Variants in CDKN1C observed in about 807,000 individuals in gnomAD.
CDKN1C encodes cyclin-dependent kinase inhibitor 1C.
In CDKN1C, 7 loss-of-function variants were observed where a neutral mutation model predicts 16.5. The ratio of observed to expected loss-of-function variants is 0.42; its 90% CI spans 0.24 to 0.80. The LOEUF (loss-of-function observed/expected upper bound fraction) is 0.80, where lower values mean the gene tolerates loss of function less well. Ranked by LOEUF, CDKN1C falls within the 30% of genes least tolerant of loss-of-function variation. CDKN1C has a pLI of 0.26. For missense variants in CDKN1C, 429 were observed against 437.3 expected (o/e 0.98, Z 0.17); for synonymous variants, 288 against 214.4 (o/e 1.34, Z -3.00).
chr11:2,884,759 G>A lies in CDKN1C; in HGVS notation c.698C>T (p.Ser233Leu). ...GGCCGCGGGACGTCCCGAAATCCCC[G>A]AGTGCAGCTGGTCAGCGAGAGGCTC... The part of the protein sequence containing the change: ...GQEPLADQLH[S>L]GISGRPAAGT... The change falls in exon 2 of 4, where the codon TCG becomes TTG. Residue 233 changes from serine (S) to leucine (L), a missense_variant. Coordinates refer to ENST00000440480, the MANE Select transcript of CDKN1C (RefSeq NM_001122630.2). The A allele has an allele frequency of 2.0e-6, 3 of 1,510,444 alleles. No individual in the cohort carries two copies. The highest frequency in any genetic ancestry group is 1.8e-6 in the Non-Finnish European group (2 of 1,132,764). 93.6% of individuals were successfully genotyped at this position (1,510,444 alleles called of 1,614,324 possible). A position where few individuals can be genotyped will look rare whatever the true frequency, so the allele number is the denominator to read the frequency against.
Position 2,883,728 on chromosome 11 carries a change from A to ACCTTT in CDKN1C, c.*192_*193insAAAGG. 1 of 1,379,722 alleles carries ACCTTT rather than the reference A, an allele frequency of 7.2e-7. No individual in the cohort carries two copies. Among genetic ancestry groups the ACCTTT allele is most frequent in the Non-Finnish European group, 9.5e-7 (1 of 1,057,920 alleles). 85.5% of individuals were successfully genotyped at this position (1,379,722 alleles called of 1,614,324 possible). A position where few individuals can be genotyped will look rare whatever the true frequency, so the allele number is the denominator to read the frequency against. On this transcript the variant is annotated 3_prime_UTR_variant, in exon 4 of 4. Coordinates refer to ENST00000440480, the MANE Select transcript of CDKN1C (RefSeq NM_001122630.2). ...GGGACCAGTGTACCTTCTCGTGCAG[A>ACCTTT]ATACATTTAGATATAAAAAGACGTT...
In CDKN1C at chr11:2,883,929, G is replaced by T. The variant is rs765932400; in HGVS notation, c.*6-14C>A. ...TTGGGCTCTAAACTGCGAGGAGAGG[G>T]GCGGTCAGCAAAGCCGGCGGGGACC... is the stretch of plus-strand genomic sequence containing the variant. On this transcript the variant is annotated splice_polypyrimidine_tract_variant and intron_variant, in intron 3 of 3. Coordinates refer to ENST00000440480, the MANE Select transcript of CDKN1C (RefSeq NM_001122630.2). 2.3e-5 allele frequency: 37 copies of T among 1,589,010 alleles called. No individual in the cohort carries two copies. The African/African-American group carries it at 4.2e-4, about 18-fold the overall frequency.
In CDKN1C at chr11:2,885,754, G is replaced by T; in HGVS notation, c.-131C>A. 1 of 574,850 alleles carries T rather than the reference G, an allele frequency of 1.7e-6. No individual in the cohort carries two copies. The highest frequency in any genetic ancestry group is 3.1e-6 in the Non-Finnish European group (1 of 322,776). The allele number at this position is 574,850 out of a possible 1,614,324, so 35.6% of individuals were successfully genotyped here. A position where few individuals can be genotyped will look rare whatever the true frequency, so the allele number is the denominator to read the frequency against. On this transcript the variant is annotated 5_prime_UTR_variant, in exon 1 of 4. Coordinates refer to ENST00000440480, the MANE Select transcript of CDKN1C (RefSeq NM_001122630.2). ...CTCAGGCCTGGCCGGCACCCCTCGA[G>T]CACAGCGCACTTGGCCTGTGGAACG...
At chr11:2,883,959 G>C in intron 3 of CDKN1C, 40 bp downstream of exon 3, 1 of 1,566,750 alleles carries the variant, frequency 6.4e-7, no homozygotes, top group Non-Finnish European at 8.6e-7. Flanking sequence ...GGGACCCGGC[G>C]GGTCGGCCCT....
In CDKN1C at chr11:2,884,938, C is replaced by T. The variant is rs1590149957; in HGVS notation, c.519G>A (p.Pro173=). 1.1e-6 allele frequency: 1 copy of T among 950,872 alleles called. No homozygotes were observed. The highest frequency in any genetic ancestry group is 1.3e-6 in the Non-Finnish European group (1 of 764,420). The allele number at this position is 950,872 out of a possible 1,614,324, so 58.9% of individuals were successfully genotyped here. A position where few individuals can be genotyped will look rare whatever the true frequency, so the allele number is the denominator to read the frequency against. ...AVAVLAPAPA[P]APAPAPAPAP... ...CCGGGGCCGGAGCCGGAGCCGGAGCCGGGGCCGGGGCCGGGGCCAGGACCG... is the reference window on the plus strand; with the variant it reads ...CCGGGGCCGGAGCCGGAGCCGGAGCTGGGGCCGGGGCCGGGGCCAGGACCG... Residue 173 remains proline (P), a synonymous_variant, in exon 2 of 4, where the codon CCG becomes CCA. Coordinates refer to ENST00000440480, the MANE Select transcript of CDKN1C (RefSeq NM_001122630.2).
Position 2,883,870 on chromosome 11 carries a change from C to T in CDKN1C, c.*51G>A, listed in dbSNP as rs574318429. The T allele has an allele frequency of 1.3e-6, 2 of 1,559,550 alleles. No homozygotes were observed. Among genetic ancestry groups the T allele is most frequent in the Non-Finnish European group, 1.7e-6 (2 of 1,152,380 alleles). On this transcript the variant is annotated 3_prime_UTR_variant, in exon 4 of 4. Transcript: ENST00000440480. ...CAGCCGAGGCCCAGCGCCCTTCCAA[C>T]GTCCGCTGCCCCGGCAGGTTCCCTC...
In CDKN1C at chr11:2,884,650, CGG is replaced by C; in HGVS notation, c.787+18_787+19del. On this transcript the variant is annotated intron_variant, in intron 2 of 3. Coordinates refer to ENST00000440480, the MANE Select transcript of CDKN1C (RefSeq NM_001122630.2). ...AAAGCGGGGCCGGGCCGGGCCGGGG[CGG>C]GGCCGTGCGGGGCTCACCGGAGATC... The C allele has an allele frequency of 8.0e-7, 1 of 1,255,458 alleles. No homozygotes were observed. Among genetic ancestry groups the C allele is most frequent in the Non-Finnish European group, 1.0e-6 (1 of 993,240 alleles). The allele number at this position is 1,255,458 out of a possible 1,614,324, so 77.8% of individuals were successfully genotyped here.
chr11:2,884,621 G>C, intron 2 of CDKN1C, 49 bp downstream of exon 2: 2 of 1,148,358 alleles, frequency 1.7e-6, no homozygotes, highest in Non-Finnish European at 1.1e-6. Flanking sequence ...CCGGCCGGCC[G>C]GACAAAGCGG....
rs1848949039 is a variant in CDKN1C, at chr11:2,884,996, ACCGGAGCCGGAGCCGGG to A, written c.444_460del (p.Pro149ArgfsTer75). 1.2e-6 allele frequency: 1 copy of A among 815,742 alleles called. No individual in the cohort carries two copies. The highest frequency in any genetic ancestry group is 5.4e-5 in the Admixed American group (1 of 18,462). 50.5% of individuals were successfully genotyped at this position (815,742 alleles called of 1,614,324 possible). A position where few individuals can be genotyped will look rare whatever the true frequency, so the allele number is the denominator to read the frequency against. On this transcript the variant is annotated frameshift_variant, in exon 2 of 4. Transcript: ENST00000440480. LOFTEE classifies it high-confidence loss of function. ...GACCGGAGCCGCGACCGGAGCCGCG[ACCGGAGCCGGAGCCGGG>A]GCCGGGGCTGGAGCCAGGACCGGGA...
chr11:2,884,079 G>A lies in CDKN1C; in HGVS notation c.843C>T (p.Pro281=), dbSNP rs773166985. 6.5e-7 allele frequency: 1 copy of A among 1,548,528 alleles called. No homozygotes were observed. Among genetic ancestry groups the A allele is most frequent in the Non-Finnish European group, 8.7e-7 (1 of 1,147,238 alleles). ...CGGCGCTTGGAGAGGGACACGGCGC[G>A]GGGACATCGCCCGACGACTTCTCAG... ...SAPEKSSGDV[P]APCPSPSAAP... Residue 281 remains proline (P), a synonymous_variant, in exon 3 of 4, where the codon CCC becomes CCT. Coordinates refer to ENST00000440480, the MANE Select transcript of CDKN1C (RefSeq NM_001122630.2).
intron 2 of CDKN1C, chr11:2,884,339 C>G (rs956188423): frequency 2.2e-5 from 5 of 228,002 alleles, no homozygotes; most frequent in East Asian, 1.4e-4. Context: ...CCAAGCCCCC[C>G]GGGGCCGCCG....
Position 2,883,549 on chromosome 11 carries a change from G to T in CDKN1C, c.*372C>A, listed in dbSNP as rs1848851757. ...AGCGGTCCACGCCTGGACATAAATA[G>T]AAAATATAAGTTAGTATAACTTTAA... On this transcript the variant is annotated 3_prime_UTR_variant, in exon 4 of 4. Transcript: ENST00000440480. 8.1e-6 allele frequency: 3 copies of T among 371,476 alleles called. No homozygotes were observed. The highest frequency in any genetic ancestry group is 1.4e-5 in the Non-Finnish European group (3 of 214,606). 23.0% of individuals were successfully genotyped at this position (371,476 alleles called of 1,614,324 possible). A position where few individuals can be genotyped will look rare whatever the true frequency, so the allele number is the denominator to read the frequency against.
rs1489450203 is a variant in CDKN1C, at chr11:2,885,142, G to T, written c.315C>A (p.Ser105Arg). 1 of 1,512,180 alleles carries T rather than the reference G, an allele frequency of 6.6e-7. No individual in the cohort carries two copies. Among genetic ancestry groups the T allele is most frequent in the Non-Finnish European group, 8.8e-7 (1 of 1,137,170 alleles). 93.7% of individuals were successfully genotyped at this position (1,512,180 alleles called of 1,614,324 possible). A position where few individuals can be genotyped will look rare whatever the true frequency, so the allele number is the denominator to read the frequency against. Residue 105 changes from serine (S) to arginine (R), a missense_variant, in exon 2 of 4, where the codon AGC becomes AGA. By Grantham distance (110) the Ser-to-Arg change is moderately radical. Coordinates refer to ENST00000440480, the MANE Select transcript of CDKN1C (RefSeq NM_001122630.2). Reference protein sequence around the residue: ...PRPVAVAVAVSPPLEPAAESL... With the variant: ...PRPVAVAVAVRPPLEPAAESL... ...ACTCAGCGGCCGGCTCGAGGGGCGG[G>T]CTGACAGCCACCGCGACCGCGACGG...
intron 2 of CDKN1C, 182 bp from the exon 3 acceptor site, chr11:2,884,316 C>G (rs1000373562): frequency 2.0e-5 from 5 of 248,882 alleles, no homozygotes; most frequent in Non-Finnish European, 3.3e-5. Flanking sequence ...AAGCATTTCC[C>G]CTTGTCCCGC....
chr11:2,883,947 C>T, intron 3 of CDKN1C, 32 bp from the exon 4 acceptor site: 1 of 1,581,748 alleles, frequency 6.3e-7, no homozygotes, highest in South Asian at 1.1e-5. Context: ...GCAAAGCCGG[C>T]GGGGACCCGG....
Position 2,885,197 on chromosome 11 carries a change from C to T in CDKN1C, c.260G>A (p.Gly87Glu), listed in dbSNP as rs1398439636. 9 of 1,537,744 alleles carry T rather than the reference C, an allele frequency of 5.9e-6. No individual in the cohort carries two copies. Among genetic ancestry groups the T allele is most frequent in the East Asian group, 2.5e-5 (1 of 40,588 alleles). The change falls in exon 2 of 4, where the codon GGG becomes GAG. Residue 87 changes from glycine to glutamate, a missense_variant. Physicochemically the swap from Gly to Glu is moderately conservative, Grantham distance 98. Coordinates refer to ENST00000440480, the MANE Select transcript of CDKN1C (RefSeq NM_001122630.2). ...CGGCGCCAGCAGCAGGCGGCAGCGCCCCACCTGCACCGTCTCGCGGTAGAA... is the reference window on the plus strand; with the variant it reads ...CGGCGCCAGCAGCAGGCGGCAGCGCTCCACCTGCACCGTCTCGCGGTAGAA... ...PAFYRETVQV[G>E]RCRLLLAPRP...
Position 2,884,711 on chromosome 11 carries a change from T to A in CDKN1C, c.746A>T (p.Asn249Ile). ...GGACAGCTTCTTGATCGCCGCGCCG[T>A]TGGCGCTGGCGGCCGCGGTGCCGGC... ...PAAGTAAASA[N>I]GAAIKKLSGP... The change falls in exon 2 of 4, where the codon AAC becomes ATC. Residue 249 changes from asparagine to isoleucine, a missense_variant. By Grantham distance (149) the Asn-to-Ile change is moderately radical. Coordinates refer to ENST00000440480, the MANE Select transcript of CDKN1C (RefSeq NM_001122630.2). The A allele has an allele frequency of 6.7e-7, 1 of 1,496,452 alleles. No individual in the cohort carries two copies. The highest frequency in any genetic ancestry group is 8.9e-7 in the Non-Finnish European group (1 of 1,127,584). The allele number at this position is 1,496,452 out of a possible 1,614,324, so 92.7% of individuals were successfully genotyped here.
chr11:2,885,583 G>A (rs553160322), intron 1 of CDKN1C, 51 bp downstream of exon 1: 17 of 1,458,084 alleles, frequency 1.2e-5, no homozygotes, highest in Middle Eastern at 2.2e-4. Context: ...CCGGGCGCAA[G>A]GGAGACCCCG....
rs1590150723 is a variant in CDKN1C, at chr11:2,885,128, G to C, written c.329C>G (p.Pro110Arg). The change falls in exon 2 of 4, where the codon CCG becomes CGG. Residue 110 changes from proline to arginine, a missense_variant. Transcript: ENST00000440480. ...GAGGCCGTCGAGGGACTCAGCGGCC[G>C]GCTCGAGGGGCGGGCTGACAGCCAC... ...VAVAVSPPLE[P>R]AAESLDGLEE... 1.4e-6 allele frequency: 2 copies of C among 1,475,280 alleles called. No homozygotes were observed. Among genetic ancestry groups the C allele is most frequent in the Non-Finnish European group, 1.8e-6 (2 of 1,123,988 alleles). 91.4% of individuals were successfully genotyped at this position (1,475,280 alleles called of 1,614,324 possible).
Sources: gnomAD v4.1 joint callset for allele counts on GRCh38, gnomAD v4.1.1 for gene constraint, MANE v1.5 for transcripts, NCBI Gene and HGNC (gene_info 2026-07-23, HGNC 2026-07-21) for gene names.